RELL1: variants seen among roughly 807,000 people sequenced by gnomAD.
The protein encoded by RELL1 is RELT like 1, also known as RELT-like protein 1.
In RELL1, 10 loss-of-function variants were observed where a neutral mutation model predicts 23.0. That is an observed-to-expected ratio of 0.43 (90% CI 0.27 to 0.74). The LOEUF (loss-of-function observed/expected upper bound fraction) is 0.74. Among genes scored for constraint, RELL1 ranks in the 30% least tolerant of loss-of-function variants. The pLI, the probability that RELL1 is intolerant of heterozygous loss-of-function variation, is 0.19. For synonymous variants in RELL1, 146 were observed against 146.8 expected, an observed-to-expected ratio of 0.99 and a Z score of 0.04; for missense variants, 315 against 364.4, an observed-to-expected ratio of 0.86 and a Z score of 1.10.
At chr4:37,623,114 T>C (rs1000066209) in intron 6 of RELL1, 13 of 320,012 alleles carry the variant, frequency 4.1e-5, no homozygotes, top group African/African-American at 2.7e-4. Flanking sequence ...AGAAATACTT[T>C]TTAAAGATAT....
chr4:37,638,436 G>A lies in RELL1; in HGVS notation c.443+11C>T. On this transcript the variant is annotated intron_variant, in intron 4 of 6. Coordinates refer to ENST00000454158, the MANE Select transcript of RELL1 (RefSeq NM_001085400.2). ...AGATGTCGCACTAAGAAAGAGGGGA[G>A]GAGCACTCACCTTTCAGGATCATAC... 6.2e-7 allele frequency: 1 copy of A among 1,606,190 alleles called. No individual in the cohort carries two copies. Among genetic ancestry groups the A allele is most frequent in the Non-Finnish European group, 8.5e-7 (1 of 1,174,164 alleles).
chr4:37,662,694 C>G (rs1386490903), intron 1 of RELL1, among the ~76,000 whole-genome samples: 1 of 152,070 alleles, frequency 6.6e-6, no homozygotes, highest in Non-Finnish European at 1.5e-5. Flanking sequence ...TCCACACTGT[C>G]TCGGGTTTAC....
At chr4:37,679,208 G>A (rs1722123006) in intron 1 of RELL1, among the ~76,000 whole-genome samples, 1 of 152,132 alleles carries the variant, frequency 6.6e-6, no homozygotes, top group Non-Finnish European at 1.5e-5. Flanking sequence ...AGAAAGCAGA[G>A]GAGAAATTTG....
Position 37,647,394 on chromosome 4 carries a change from A to G in RELL1, c.359T>C (p.Ile120Thr), listed in dbSNP as rs759770374. ...TTCATTTTTCATGATGTAGTGGACGATTTGCCCAACAGTGTCACTGTTTTC... is the reference window on the plus strand; with the variant it reads ...TTCATTTTTCATGATGTAGTGGACGGTTTGCCCAACAGTGTCACTGTTTTC... ...VNENSDTVGQ[I>T]VHYIMKNEAN... The change falls in exon 3 of 7, where the codon ATC (isoleucine) becomes ACC (threonine). Residue 120 changes from isoleucine to threonine, a missense_variant. By Grantham distance (89) the Ile-to-Thr change is moderately conservative (BLOSUM62 -1). Coordinates refer to ENST00000454158, the MANE Select transcript of RELL1 (RefSeq NM_001085400.2). 6.2e-7 allele frequency: 1 copy of G among 1,613,464 alleles called. No individual in the cohort carries two copies. The highest frequency in any genetic ancestry group is 8.5e-7 in the Non-Finnish European group (1 of 1,179,404).
intron 6 of RELL1, among the ~76,000 whole-genome samples, chr4:37,622,296 T>C (rs946562655): frequency 2.6e-5 from 4 of 152,266 alleles, no homozygotes; most frequent in African/African-American, 9.6e-5. Context: ...TGCATAAGCA[T>C]GTATATGCAC....
intron 1 of RELL1, among the ~76,000 whole-genome samples, chr4:37,660,777 A>G (rs530014261): frequency 6.6e-5 from 10 of 152,300 alleles, no homozygotes; most frequent in African/African-American, 2.4e-4. Flanking sequence ...CACGCCTGTA[A>G]TCCCAGCACT....
intron 1 of RELL1, among the ~76,000 whole-genome samples, chr4:37,670,603 C>T (rs995541800): frequency 6.7e-6 from 1 of 150,156 alleles, no homozygotes; most frequent in African/African-American, 2.5e-5. Flanking sequence ...TGGAGTCTCA[C>T]TCTGTGGCCC....
chr4:37,637,776 G>A (rs2109267542), intron 4 of RELL1, among the ~76,000 whole-genome samples: 1 of 152,330 alleles, frequency 6.6e-6, no homozygotes, highest in African/African-American at 2.4e-5. Flanking sequence ...TGGAAATACA[G>A]TTCTCTGTAA....
chr4:37,643,647 CAG>C (rs1720600493), intron 3 of RELL1, among the ~76,000 whole-genome samples: 1 of 152,126 alleles, frequency 6.6e-6, no homozygotes, highest in African/African-American at 2.4e-5. Flanking sequence ...TTATCAAAGA[CAG>C]AAAATATCAA....
At chr4:37,599,874 A>C (rs1238237524) in intron 6 of RELL1, among the ~76,000 whole-genome samples, 1 of 152,136 alleles carries the variant, frequency 6.6e-6, no homozygotes, top group African/African-American at 2.4e-5. Flanking sequence ...CATCATCTGT[A>C]TAGTGGAGGT....
intron 6 of RELL1, among the ~76,000 whole-genome samples, chr4:37,619,679 C>A (rs1415960571): frequency 6.6e-6 from 1 of 151,556 alleles, no homozygotes; most frequent in African/African-American, 2.4e-5. Context: ...GAAATCCTTC[C>A]ACCTCAGCCT....
At chr4:37,652,500 A>G (rs1451176077) in intron 1 of RELL1, among the ~76,000 whole-genome samples, 1 of 152,220 alleles carries the variant, frequency 6.6e-6, no homozygotes, top group Non-Finnish European at 1.5e-5. Flanking sequence ...TATATAACAC[A>G]TATTCCACGC....
At position 37,661,267 on chromosome 4, in the gene RELL1, C is replaced by CTGTTTGTTTGTT. The variant is rs112180792; in HGVS notation, c.89-11779_89-11768dup. On this transcript the variant is annotated intron_variant, in intron 1 of 6. Transcript: ENST00000454158. Reference sequence around the variant, plus strand: ...CAAAACAACCTGTTTTAAGTTAATTCTGTTTGTTTGTTTGTTTGTTTGTTT... The same window carrying CTGTTTGTTTGTT: ...CAAAACAACCTGTTTTAAGTTAATTCTGTTTGTTTGTTTGTTTGTTTGTTTGTTTGTTTGTTT... 2.7e-4 allele frequency among the ~76,000 whole-genome samples: 40 copies of CTGTTTGTTTGTT among 150,596 alleles called. 1 individual carries two copies. Among genetic ancestry groups the CTGTTTGTTTGTT allele is most frequent in the South Asian group, 2.5e-3 (12 of 4,726 alleles).
intron 1 of RELL1, among the ~76,000 whole-genome samples, chr4:37,685,202 G>A (rs1323385025): frequency 6.6e-6 from 1 of 152,210 alleles, no homozygotes; most frequent in African/African-American, 2.4e-5. Context: ...TGTTTATGGA[G>A]GAGACAGTCA....
At chr4:37,615,825 T>G (rs984225384) in intron 6 of RELL1, among the ~76,000 whole-genome samples, 1 of 152,250 alleles carries the variant, frequency 6.6e-6, no homozygotes, top group Admixed American at 6.5e-5. Flanking sequence ...AGGAAGAGGT[T>G]GTCTTTTTCT....
chr4:37,652,977 T>C (rs1721003155), intron 1 of RELL1, among the ~76,000 whole-genome samples: 1 of 152,152 alleles, frequency 6.6e-6, no homozygotes, highest in South Asian at 2.1e-4. Flanking sequence ...CTCTGTTTCC[T>C]CTCTGTTAAA....
At chr4:37,621,659 G>A (rs1479659470) in intron 6 of RELL1, among the ~76,000 whole-genome samples, 2 of 152,092 alleles carry the variant, frequency 1.3e-5, no homozygotes, top group Non-Finnish European at 2.9e-5. Context: ...TTTCTGCAGT[G>A]AAAAGAGCAG....
At chr4:37,636,339 T>C (rs1720326992) in intron 4 of RELL1, among the ~76,000 whole-genome samples, 1 of 152,144 alleles carries the variant, frequency 6.6e-6, no homozygotes, top group African/African-American at 2.4e-5. Flanking sequence ...CTCACACTTG[T>C]AATCCCAGCA....
At chr4:37,608,118 C>T (rs1180721787), downstream of RELL1, among the ~76,000 whole-genome samples, 2 of 152,032 alleles carry the variant, frequency 1.3e-5, no homozygotes, top group Non-Finnish European at 2.9e-5. Flanking sequence ...TTCCAACTGC[C>T]CGACCAACCA....
Sources: allele counts gnomAD v4.1 joint callset (sites outside exome capture counted in the v4.1 genomes callset), GRCh38; gene constraint gnomAD v4.1.1; transcripts MANE v1.5; gene names NCBI Gene and HGNC (gene_info 2026-07-23, HGNC 2026-07-21).